Variants in FZD3 observed in about 807,000 individuals in gnomAD.
The protein encoded by FZD3 is frizzled class receptor 3.
In FZD3, 30 loss-of-function variants were observed where a neutral mutation model predicts 60.7. The observed-to-expected ratio is 0.49, with a 90% CI of 0.37 to 0.67. The LOEUF (loss-of-function observed/expected upper bound fraction) is 0.67, where lower values mean the gene tolerates loss of function less well. FZD3 is among the 30% of genes least tolerant of loss of function. The pLI is 0.00. For synonymous variants in FZD3, 246 were observed against 275.2 expected (o/e 0.89, Z 1.05); for missense variants, 605 against 838.7 (o/e 0.72, Z 3.44).
Position 28,516,101 on chromosome 8 carries a change from T to C in FZD3, c.190-4537T>C, listed in dbSNP as rs151148036. On this transcript the variant is annotated intron_variant, in intron 3 of 7. Transcript: ENST00000240093. ...TTGTATATAAGGTAAGGTAAGAGTC[T>C]AACGTTATGCTTTTGCATATGGATT... Among the ~76,000 whole-genome samples the C allele has an allele frequency of 1.3e-5, 2 of 152,308 alleles. 1 individual carries two copies. Among genetic ancestry groups the C allele is most frequent in the Non-Finnish European group, 2.9e-5 (2 of 68,018 alleles).
chr8:28,506,887 A>AATTCCATTAT (rs1338643955), intron 3 of FZD3, among the ~76,000 whole-genome samples: 3 of 152,296 alleles, frequency 2.0e-5, no homozygotes, highest in African/African-American at 7.2e-5. Context: ...ATTATATACA[A>AATTCCATTAT]ATAGAATAAT....
At chr8:28,530,128 TGTGTGTGTGTG>T (rs1804827801) in intron 5 of FZD3, among the ~76,000 whole-genome samples, 1 of 131,524 alleles carries the variant, frequency 7.6e-6, no homozygotes, top group Non-Finnish European at 1.5e-5. Flanking sequence ...TGTGTGTGTG[TGTGTGTGTGTG>T]TGTTGGGGGG....
chr8:28,537,218 A>G (rs1805039504), intron 5 of FZD3, among the ~76,000 whole-genome samples: 1 of 152,248 alleles, frequency 6.6e-6, no homozygotes, highest in African/African-American at 2.4e-5. Flanking sequence ...AGAAATTTAT[A>G]GAAACTGTAA....
rs549410282 is a variant in FZD3 at position 28,571,851 on chromosome 8, A to G, written c.*8840A>G. The G allele has an allele frequency of 6.6e-6, 1 of 152,290 alleles. No homozygotes were observed. Among genetic ancestry groups the G allele is most frequent in the East Asian group, 1.9e-4 (1 of 5,194 alleles). The allele number at this position is 152,290 out of a possible 1,614,324, so 9.4% of individuals were successfully genotyped here. The stretch of plus-strand genomic sequence containing the variant: ...AACGATTAAATTATCTTATCTTGTT[A>G]TTTAATAGAACAATGGAAGCTGTTT... On this transcript the variant is annotated 3_prime_UTR_variant, in exon 8 of 8. Coordinates refer to ENST00000240093, the MANE Select transcript of FZD3 (RefSeq NM_017412.4).
chr8:28,558,116 A>T (rs930642941), intron 7 of FZD3, among the ~76,000 whole-genome samples: 3 of 152,176 alleles, frequency 2.0e-5, no homozygotes, highest in African/African-American at 4.8e-5. Flanking sequence ...ACTGAAGGAG[A>T]GGAATTCATA....
chr8:28,555,010 C>A (rs1319827525), intron 6 of FZD3, among the ~76,000 whole-genome samples: 1 of 152,118 alleles, frequency 6.6e-6, no homozygotes, highest in Non-Finnish European at 1.5e-5. Context: ...TGTTCATCAT[C>A]GTAAACCATC....
rs1473323224 is a variant in FZD3, at chr8:28,551,741, A to G, written c.1543A>G (p.Arg515Gly). ...FEWASFFHGR[R>G]KKEIVNESRQ... The stretch of plus-strand genomic sequence containing the variant: ...ATGGGCCAGTTTTTTTCATGGTCGT[A>G]GGAAAAAAGAGTAAGTTGAAATAAA... The change falls in exon 6 of 8, where the codon AGG (arginine) becomes GGG (glycine). Residue 515 changes from arginine to glycine, a missense_variant. By Grantham distance (125) the Arg-to-Gly change is moderately radical. Coordinates refer to ENST00000240093, the MANE Select transcript of FZD3 (RefSeq NM_017412.4). The G allele has an allele frequency of 6.2e-7, 1 of 1,600,924 alleles. No homozygotes were observed. The highest frequency in any genetic ancestry group is 1.4e-5 in the African/African-American group (1 of 74,032).
chr8:28,525,050 T>C (rs968079526), intron 4 of FZD3, among the ~76,000 whole-genome samples: 1 of 152,218 alleles, frequency 6.6e-6, no homozygotes, highest in Admixed American at 6.5e-5. Context: ...GCACATCTGG[T>C]ATCCCTGCCC....
intron 3 of FZD3, among the ~76,000 whole-genome samples, chr8:28,503,898 T>TA (rs771527699): frequency 2.1e-4 from 32 of 152,314 alleles, no homozygotes; most frequent in Non-Finnish European, 4.0e-4. Context: ...GCTTGTAACT[T>TA]AGAGACTTCA....
At chr8:28,545,499 CAGAG>C in intron 5 of FZD3, among the ~76,000 whole-genome samples, 1 of 152,190 alleles carries the variant, frequency 6.6e-6, no homozygotes, top group African/African-American at 2.4e-5. Context: ...AGACCAATCA[CAGAG>C]AGAGGGAGAG....
At chr8:28,538,605 G>T (rs1012144419) in intron 5 of FZD3, among the ~76,000 whole-genome samples, 7 of 152,112 alleles carry the variant, frequency 4.6e-5, no homozygotes, top group Admixed American at 2.6e-4. Context: ...ACAGGTCTGA[G>T]TATTTGGAGA....
At chr8:28,536,401 G>T (rs1044515794) in intron 5 of FZD3, among the ~76,000 whole-genome samples, 4 of 152,152 alleles carry the variant, frequency 2.6e-5, no homozygotes, top group African/African-American at 9.7e-5. Flanking sequence ...GCCATTTGTA[G>T]AATTCTTTAA....
At chr8:28,558,479 G>A (rs1428027261) in intron 7 of FZD3, among the ~76,000 whole-genome samples, 1 of 151,080 alleles carries the variant, frequency 6.6e-6, no homozygotes, top group Non-Finnish European at 1.5e-5. Flanking sequence ...TGCCCAGGCT[G>A]GAGTGCAGTG....
chr8:28,497,400 A>G (rs948310049), intron 1 of FZD3, among the ~76,000 whole-genome samples: 1 of 152,232 alleles, frequency 6.6e-6, no homozygotes, highest in South Asian at 2.1e-4. Flanking sequence ...GGAAAGTAAC[A>G]TTTGAGCAAT....
intron 5 of FZD3, among the ~76,000 whole-genome samples, chr8:28,532,607 T>C (rs1804908458): frequency 1.3e-5 from 2 of 152,012 alleles, no homozygotes; most frequent in Non-Finnish European, 2.9e-5. Context: ...TTTTTTTTTT[T>C]TGTAGAGATG....
intron 3 of FZD3, among the ~76,000 whole-genome samples, chr8:28,519,759 T>G (rs1164899635): frequency 1.3e-5 from 2 of 149,562 alleles, no homozygotes; most frequent in African/African-American, 2.5e-5. Context: ...CCAAGAAAAT[T>G]TCAGCCCAAA....
chr8:28,564,612 C>G lies in FZD3; in HGVS notation c.*1601C>G, dbSNP rs1367926368. Reference sequence around the variant, plus strand: ...TATCATTATCTAATATTCAGTTGTTCTGCACCTGATGCCAAATTCTGGGCT... The same window carrying G: ...TATCATTATCTAATATTCAGTTGTTGTGCACCTGATGCCAAATTCTGGGCT... On this transcript the variant is annotated 3_prime_UTR_variant, in exon 8 of 8. Coordinates refer to ENST00000240093, the MANE Select transcript of FZD3 (RefSeq NM_017412.4). 1 of 152,134 alleles carries G rather than the reference C, an allele frequency of 6.6e-6. No individual in the cohort carries two copies. Among genetic ancestry groups the G allele is most frequent in the Non-Finnish European group, 1.5e-5 (1 of 68,032 alleles). The allele number at this position is 152,134 out of a possible 1,614,324, so 9.4% of individuals were successfully genotyped here. A position where few individuals can be genotyped will look rare whatever the true frequency, so the allele number is the denominator to read the frequency against.
At chr8:28,494,881 G>T (rs917400507) in intron 1 of FZD3, among the ~76,000 whole-genome samples, 17 of 152,184 alleles carry the variant, frequency 1.1e-4, no homozygotes, top group African/African-American at 4.1e-4. Context: ...CCCCGGCTCG[G>T]GTCAGCTTCG....
intron 5 of FZD3, among the ~76,000 whole-genome samples, chr8:28,529,232 T>G (rs1270210023): frequency 6.6e-6 from 1 of 152,146 alleles, no homozygotes; most frequent in Non-Finnish European, 1.5e-5. Flanking sequence ...CTTCTTTCTT[T>G]TAAAACAAGT....
Sources: gnomAD v4.1 joint callset for allele counts (sites outside exome capture counted in the v4.1 genomes callset) on GRCh38, gnomAD v4.1.1 for gene constraint, MANE v1.5 for transcripts, NCBI Gene and HGNC (gene_info 2026-07-23, HGNC 2026-07-21) for gene names.